The following CDC42BPA variants were observed in gnomAD, a reference collection of about 807,000 sequenced individuals.
CDC42BPA encodes CDC42 binding protein kinase alpha.
Under a neutral mutation model 223.5 loss-of-function variants are expected in CDC42BPA, and 80 were observed. The ratio of observed to expected loss-of-function variants is 0.36; its 90% CI spans 0.30 to 0.43. The LOEUF is 0.43. CDC42BPA is among the 20% of genes least tolerant of loss of function. CDC42BPA has a pLI of 1.00. For missense variants in CDC42BPA, 1,743 were observed against 2,099.9 expected (o/e 0.83, Z 3.32); for synonymous variants, 694 against 718.6 (o/e 0.97, Z 0.55).
intron 21 of CDC42BPA, among the ~76,000 whole-genome samples, chr1:227,055,336 A>G (rs1674336238): frequency 6.6e-6 from 1 of 152,132 alleles, no homozygotes; most frequent in Non-Finnish European, 1.5e-5. Context: ...ATCGCCAACC[A>G]GACTGGAATT....
In CDC42BPA at chr1:227,026,148, G is replaced by T; in HGVS notation, c.4437C>A (p.Tyr1479Ter). 1.3e-6 allele frequency: 2 copies of T among 1,579,384 alleles called. No individual in the cohort carries two copies. Among genetic ancestry groups the T allele is most frequent in the Non-Finnish European group, 1.7e-6 (2 of 1,157,658 alleles). Reference sequence around the variant, plus strand: ...TGTACACCGAGAGATATGGTGCATTGTAACCTGGGAGAAGGGAAGGGGGGG... The same window carrying T: ...TGTACACCGAGAGATATGGTGCATTTTAACCTGGGAGAAGGGAAGGGGGGG... ...MWPANPSSCC[Y>*]NAPYLSVYSE... The change falls in exon 31 of 37, where the codon TAC (tyrosine) becomes TAA (stop). Residue 1479 changes from tyrosine (Y) to a stop codon, truncating the protein, a stop_gained. Coordinates refer to ENST00000366766, the MANE Select transcript of CDC42BPA (RefSeq NM_001394014.1). LOFTEE classifies it high-confidence loss of function.
chr1:227,040,390 C>T lies in CDC42BPA; in HGVS notation c.3094-154G>A, dbSNP rs901434888. On this transcript the variant is annotated intron_variant, in intron 23 of 36. Coordinates refer to ENST00000366766, the MANE Select transcript of CDC42BPA (RefSeq NM_001394014.1). ...ATTACATCTTCTTATAGTTTATGGT[C>T]TTTAAACATTTTTATTAGGTAATTT... 2.0e-5 allele frequency among the ~76,000 whole-genome samples: 3 copies of T among 152,072 alleles called. No individual in the cohort carries two copies. The East Asian group carries it at 5.8e-4, about 29-fold the overall frequency.
intron 1 of CDC42BPA, among the ~76,000 whole-genome samples, chr1:227,299,929 C>T (rs185759192): frequency 6.6e-6 from 1 of 152,306 alleles, no homozygotes; most frequent in African/African-American, 2.4e-5. Context: ...TCATTCTCGT[C>T]CTCTGAAAAC....
At chr1:227,268,668 A>ATATATATGTATATATATATATATATG (rs1558914140) in intron 1 of CDC42BPA, among the ~76,000 whole-genome samples, 2 of 144,512 alleles carry the variant, frequency 1.4e-5, no homozygotes, top group African/African-American at 5.2e-5. Context: ...ATATATATAC[A>ATATATATGTATATATATATATATATG]TATATATATA....
At chr1:227,041,947 T>C (rs531150186) in intron 23 of CDC42BPA, among the ~76,000 whole-genome samples, 3 of 152,350 alleles carry the variant, frequency 2.0e-5, no homozygotes, top group African/African-American at 7.2e-5. Context: ...TATTATTTCC[T>C]TATATGAAGG....
At chr1:227,140,098 A>G (rs1461474349) in intron 9 of CDC42BPA, among the ~76,000 whole-genome samples, 1 of 152,218 alleles carries the variant, frequency 6.6e-6, no homozygotes, top group African/African-American at 2.4e-5. Flanking sequence ...GTAGTAGTCA[A>G]AAGCACCAAC....
chr1:227,199,277 T>C (rs1343391580), intron 4 of CDC42BPA, among the ~76,000 whole-genome samples: 1 of 152,122 alleles, frequency 6.6e-6, no homozygotes, highest in Admixed American at 6.5e-5. Context: ...AAAGGTATCA[T>C]GAAAAACTCC....
At chr1:227,052,714 T>A (rs964567802) in intron 21 of CDC42BPA, among the ~76,000 whole-genome samples, 3 of 152,194 alleles carry the variant, frequency 2.0e-5, no homozygotes, top group Non-Finnish European at 2.9e-5. Flanking sequence ...TTTGAATATG[T>A]TGTACAGCAA....
intron 21 of CDC42BPA, among the ~76,000 whole-genome samples, chr1:227,055,888 GCT>G (rs1674445000): frequency 6.6e-6 from 1 of 150,588 alleles, no homozygotes; most frequent in Non-Finnish European, 1.5e-5. Context: ...TTTACTTAAT[GCT>G]CTGTTAAAAA....
chr1:227,207,089 A>T (rs1384749541), intron 3 of CDC42BPA, among the ~76,000 whole-genome samples: 3 of 47,464 alleles, frequency 6.3e-5, no homozygotes, highest in Admixed American at 3.4e-4. Context: ...CCCTCCCCCC[A>T]CCCCACAACA....
intron 21 of CDC42BPA, among the ~76,000 whole-genome samples, chr1:227,054,360 A>G (rs1674145818): frequency 1.3e-5 from 2 of 152,220 alleles, no homozygotes; most frequent in Admixed American, 6.5e-5. Context: ...GTTTAAACAC[A>G]TGCTGACAGA....
At chr1:227,009,025 C>A (rs1664662231) in intron 34 of CDC42BPA, among the ~76,000 whole-genome samples, 1 of 152,152 alleles carries the variant, frequency 6.6e-6, no homozygotes. Context: ...CCGTTTCAGG[C>A]TATACATTTT....
At chr1:227,275,225 T>C (rs1270933894) in intron 1 of CDC42BPA, among the ~76,000 whole-genome samples, 2 of 78,938 alleles carry the variant, frequency 2.5e-5, no homozygotes, top group Non-Finnish European at 5.4e-5. Flanking sequence ...AATTCACAGG[T>C]CAAAAATAAA....
intron 3 of CDC42BPA, among the ~76,000 whole-genome samples, chr1:227,200,447 A>AC (rs1247235268): frequency 1.1e-4 from 16 of 145,332 alleles, no homozygotes; most frequent in South Asian, 4.2e-4. Context: ...CAAACAAACA[A>AC]AAAAAAAACG....
intron 35 of CDC42BPA, among the ~76,000 whole-genome samples, chr1:227,002,888 G>A (rs1248122887): frequency 6.6e-6 from 1 of 152,196 alleles, no homozygotes; most frequent in African/African-American, 2.4e-5. Flanking sequence ...CCCTGAACCA[G>A]AGCCATCCAG....
intron 2 of CDC42BPA, among the ~76,000 whole-genome samples, chr1:227,252,768 AC>A (rs1682250176): frequency 6.6e-6 from 1 of 151,836 alleles, no homozygotes; most frequent in African/African-American, 2.4e-5. Context: ...CAACACATTA[AC>A]AAAGTAAAGG....
At chr1:227,222,130 G>C (rs1285604031) in intron 2 of CDC42BPA, among the ~76,000 whole-genome samples, 4 of 151,834 alleles carry the variant, frequency 2.6e-5, no homozygotes, top group Admixed American at 2.6e-4. Flanking sequence ...CTACTTGGGA[G>C]GCTGAGATGG....
At chr1:227,052,041 G>A (rs1024178337) in intron 21 of CDC42BPA, 56 bp from the exon 22 acceptor site, 3 of 1,034,726 alleles carry the variant, frequency 2.9e-6, no homozygotes, top group Non-Finnish European at 4.2e-6. Context: ...TCAACAATGT[G>A]CAGGCTTAGC....
chr1:227,138,425 A>G (rs1659043006), intron 10 of CDC42BPA, among the ~76,000 whole-genome samples: 1 of 150,722 alleles, frequency 6.6e-6, no homozygotes, highest in Non-Finnish European at 1.5e-5. Flanking sequence ...ATATTCTAAC[A>G]TTCAAAGGTC....
Sources: gnomAD v4.1 joint callset for allele counts (sites outside exome capture counted in the v4.1 genomes callset) on GRCh38, gnomAD v4.1.1 for gene constraint, MANE v1.5 for transcripts, NCBI Gene and HGNC (gene_info 2026-07-23, HGNC 2026-07-21) for gene names.